DAB1: variants seen among roughly 807,000 people sequenced by gnomAD.
DAB1 encodes disabled homolog 1.
Under a neutral mutation model 64.6 loss-of-function variants are expected in DAB1, and 15 were observed. The observed-to-expected ratio is 0.23, with a 90% confidence interval of 0.16 to 0.36. The LOEUF is 0.36. DAB1 is among the 10% of genes least tolerant of loss of function. The pLI, the probability that DAB1 is intolerant of heterozygous loss-of-function variation, is 1.00. For synonymous variants in DAB1, 235 were observed against 251.9 expected, an observed-to-expected ratio of 0.93 and a Z score of 0.64; for missense variants, 596 against 706.7, an observed-to-expected ratio of 0.84 and a Z score of 1.78.
intron 2 of DAB1, among the ~76,000 whole-genome samples, chr1:57,277,698 G>C (rs1671576611): frequency 6.6e-6 from 1 of 152,112 alleles, no homozygotes; most frequent in African/African-American, 2.4e-5. Flanking sequence ...CAATGATAGG[G>C]GTCCTGATCC....
intron 3 of DAB1, among the ~76,000 whole-genome samples, chr1:58,373,741 A>C (rs376111377): frequency 6.6e-6 from 1 of 151,816 alleles, no homozygotes; most frequent in African/African-American, 2.4e-5. Context: ...CTAGATCCCT[A>C]AGGAATTGCC....
intron 7 of DAB1, among the ~76,000 whole-genome samples, chr1:57,635,920 C>A (rs1284454453): frequency 2.0e-5 from 3 of 151,774 alleles, no homozygotes; most frequent in Non-Finnish European, 4.4e-5. Context: ...ACGGTGAAAC[C>A]CCGTCACTAC....
At chr1:57,731,360 A>G (rs948484325) in intron 6 of DAB1, among the ~76,000 whole-genome samples, 5 of 152,202 alleles carry the variant, frequency 3.3e-5, no homozygotes, top group Admixed American at 6.5e-5. Flanking sequence ...ACAGAGTATC[A>G]GTTAGGGAAG....
At chr1:58,418,241 C>T (rs1044076245) in intron 3 of DAB1, among the ~76,000 whole-genome samples, 1 of 152,190 alleles carries the variant, frequency 6.6e-6, no homozygotes, top group Admixed American at 6.5e-5. Context: ...TCAGGAATTG[C>T]TAATTCAGCT....
intron 4 of DAB1, among the ~76,000 whole-genome samples, chr1:58,183,524 G>A (rs766450977): frequency 1.7e-4 from 25 of 150,934 alleles, no homozygotes; most frequent in Admixed American, 1.4e-3. Context: ...AACCAGTATT[G>A]CAAGTTGGAT....
At chr1:58,241,289 T>G (rs1660283551) in intron 4 of DAB1, among the ~76,000 whole-genome samples, 1 of 151,632 alleles carries the variant, frequency 6.6e-6, no homozygotes, top group Non-Finnish European at 1.5e-5. Flanking sequence ...ACACAAATTA[T>G]TTCTTACAAT....
At chr1:57,510,093 T>A (rs751740916) in intron 7 of DAB1, among the ~76,000 whole-genome samples, 8 of 152,206 alleles carry the variant, frequency 5.3e-5, no homozygotes, top group Non-Finnish European at 1.2e-4. Context: ...ATAGTTTGCC[T>A]TTGTAGCTGC....
At chr1:57,787,430 T>G (rs893400821) in intron 6 of DAB1, among the ~76,000 whole-genome samples, 1 of 152,002 alleles carries the variant, frequency 6.6e-6, no homozygotes, top group Non-Finnish European at 1.5e-5. Flanking sequence ...GAGAGAATAG[T>G]TTTTTCAAAT....
intron 7 of DAB1, among the ~76,000 whole-genome samples, chr1:57,595,156 AT>A (rs1357346510): frequency 6.6e-6 from 1 of 152,142 alleles, no homozygotes; most frequent in Non-Finnish European, 1.5e-5. Context: ...TTTTAAAAAA[AT>A]CTGTTTCTAC....
intron 5 of DAB1, among the ~76,000 whole-genome samples, chr1:58,146,901 T>C (rs1018909693): frequency 6.6e-6 from 1 of 152,236 alleles, no homozygotes; most frequent in Admixed American, 6.5e-5. Context: ...GTGAACATGA[T>C]ATTACCTCAC....
chr1:57,470,268 T>C (rs1357909702), intron 7 of DAB1, among the ~76,000 whole-genome samples: 2 of 152,196 alleles, frequency 1.3e-5, no homozygotes, highest in Admixed American at 6.5e-5. Context: ...GCAGTTTGGG[T>C]AGAAATATCT....
In DAB1 at chr1:57,816,679, C is replaced by T. The variant is rs140645957; in HGVS notation, n.551+67320G>A. Among the ~76,000 whole-genome samples the T allele has an allele frequency of 6.4e-3, 981 of 152,132 alleles. 10 individuals are homozygous for T. Among genetic ancestry groups the T allele is most frequent in the African/African-American group, 0.022 (918 of 41,522 alleles). On this transcript the variant is annotated intron_variant and non_coding_transcript_variant, in intron 6 of 20. Transcript: ENST00000485760. ...TTATTATGAGAAATCTGTGAGTTGCCGTCATAAAATTTACCCTCACTTTTA... is the reference window on the plus strand; with the variant it reads ...TTATTATGAGAAATCTGTGAGTTGCTGTCATAAAATTTACCCTCACTTTTA...
At chr1:58,270,498 C>T (rs1251223229) in intron 4 of DAB1, among the ~76,000 whole-genome samples, 5 of 48,604 alleles carry the variant, frequency 1.0e-4, no homozygotes, top group Non-Finnish European at 1.9e-4. Context: ...ATTGACTTGG[C>T]GATGCAGGCT....
intron 2 of DAB1, among the ~76,000 whole-genome samples, chr1:57,289,811 A>G (rs1379827622): frequency 6.6e-6 from 1 of 152,222 alleles, no homozygotes. Flanking sequence ...CATGCAGCTG[A>G]GAAAACAAGG....
At chr1:57,794,386 G>A (rs1282445941) in intron 6 of DAB1, among the ~76,000 whole-genome samples, 1 of 152,188 alleles carries the variant, frequency 6.6e-6, no homozygotes, top group East Asian at 1.9e-4. Flanking sequence ...ACATCCTTCA[G>A]TTTCTGTATT....
chr1:58,420,077 C>A (rs1299475108), intron 3 of DAB1, among the ~76,000 whole-genome samples: 1 of 152,104 alleles, frequency 6.6e-6, no homozygotes, highest in Non-Finnish European at 1.5e-5. Flanking sequence ...CTCTCAGGAC[C>A]CTAATTGACA....
At chr1:57,934,589 A>G (rs766753760) in intron 5 of DAB1, among the ~76,000 whole-genome samples, 1 of 152,162 alleles carries the variant, frequency 6.6e-6, no homozygotes, top group Non-Finnish European at 1.5e-5. Context: ...AACTTGATCT[A>G]TTATAGTTTA....
chr1:57,486,880 A>G (rs1644098708), intron 7 of DAB1, among the ~76,000 whole-genome samples: 3 of 152,168 alleles, frequency 2.0e-5, no homozygotes, highest in African/African-American at 7.2e-5. Flanking sequence ...ATGTGAAGAA[A>G]GAAAAGAAGA....
chr1:58,032,131 C>T (rs1008272110), intron 5 of DAB1, among the ~76,000 whole-genome samples: 1 of 151,894 alleles, frequency 6.6e-6, no homozygotes, highest in Non-Finnish European at 1.5e-5. Flanking sequence ...AATGCAGAAC[C>T]TCCAGCCAGA....
Sources: allele counts gnomAD v4.1 joint callset (sites outside exome capture counted in the v4.1 genomes callset), GRCh38; gene constraint gnomAD v4.1.1; transcripts MANE v1.5; gene names NCBI Gene and HGNC (gene_info 2026-07-23, HGNC 2026-07-21).